CDH4: variants seen among roughly 807,000 people sequenced by gnomAD.
CDH4 encodes the protein cadherin-4.
In CDH4, 33 loss-of-function variants were observed where a neutral mutation model predicts 86.0. The ratio of observed to expected loss-of-function variants is 0.38; its 90% CI spans 0.29 to 0.51. The LOEUF is 0.51. Among genes scored for constraint, CDH4 ranks in the 20% least tolerant of loss-of-function variants. The pLI is 0.86. For missense variants in CDH4, 1,114 were observed against 1,307.4 expected (o/e 0.85, Z 2.28); for synonymous variants, 555 against 549.4 (o/e 1.01, Z -0.14).
At chr20:61,442,101 T>G (rs1340863924) in intron 2 of CDH4, among the ~76,000 whole-genome samples, 1 of 152,104 alleles carries the variant, frequency 6.6e-6, no homozygotes, top group Non-Finnish European at 1.5e-5. Context: ...CAGAGACAGT[T>G]ATTACTGTTT....
chr20:61,652,484 CTGAGT>C (rs941580699), intron 2 of CDH4, among the ~76,000 whole-genome samples: 3 of 152,278 alleles, frequency 2.0e-5, no homozygotes, highest in East Asian at 3.9e-4. Flanking sequence ...TGACGGTTGG[CTGAGT>C]TATCTCTAAT....
intron 2 of CDH4, among the ~76,000 whole-genome samples, chr20:61,603,952 C>A (rs940569479): frequency 6.6e-6 from 1 of 152,134 alleles, no homozygotes; most frequent in African/African-American, 2.4e-5. Flanking sequence ...CATAGGCACA[C>A]ACACATGTAC....
chr20:61,313,146 C>G (rs896989819), intron 2 of CDH4, among the ~76,000 whole-genome samples: 1 of 152,198 alleles, frequency 6.6e-6, no homozygotes, highest in Non-Finnish European at 1.5e-5. Context: ...TCATCGAGGC[C>G]TGGTCGTGTT....
intron 2 of CDH4, among the ~76,000 whole-genome samples, chr20:61,409,407 C>G (rs2085102793): frequency 6.6e-6 from 1 of 152,168 alleles, no homozygotes; most frequent in Non-Finnish European, 1.5e-5. Flanking sequence ...AAGAACAGAC[C>G]AACTCATCTG....
chr20:61,785,529 G>A (rs1026623346), intron 4 of CDH4, among the ~76,000 whole-genome samples: 2 of 152,186 alleles, frequency 1.3e-5, no homozygotes, highest in African/African-American at 2.4e-5. Context: ...GGTGGACACT[G>A]CACACCCCAC....
chr20:61,706,890 A>G (rs960443322), intron 2 of CDH4, among the ~76,000 whole-genome samples: 6 of 152,196 alleles, frequency 3.9e-5, no homozygotes, highest in African/African-American at 1.2e-4. Flanking sequence ...CTGAGATGCA[A>G]TCCCCGCAGA....
At chr20:61,925,840 G>T (rs2055039228) in intron 11 of CDH4, among the ~76,000 whole-genome samples, 1 of 152,174 alleles carries the variant, frequency 6.6e-6, no homozygotes, top group African/African-American at 2.4e-5. Flanking sequence ...CAAACAGAAG[G>T]CCTTGCAGGG....
chr20:61,933,969 G>A, intron 14 of CDH4, 87 bp from the exon 15 acceptor site: 5 of 1,478,456 alleles, frequency 3.4e-6, no homozygotes, highest in Non-Finnish European at 9.3e-7. Flanking sequence ...TGCATCTGTG[G>A]CCCAGGTGAC....
intron 2 of CDH4, among the ~76,000 whole-genome samples, chr20:61,374,402 C>T (rs1407783281): frequency 8.5e-5 from 13 of 152,112 alleles, no homozygotes; most frequent in Non-Finnish European, 1.6e-4. Flanking sequence ...CTGGGAGTTA[C>T]CTGGGAGTCC....
intron 2 of CDH4, among the ~76,000 whole-genome samples, chr20:61,586,240 G>A (rs1489489720): frequency 6.6e-6 from 1 of 152,056 alleles, no homozygotes; most frequent in Admixed American, 6.5e-5. Context: ...TCATGGTCAT[G>A]ATGATGGCAA....
At chr20:61,885,775 G>A (rs1294279262) in intron 7 of CDH4, among the ~76,000 whole-genome samples, 1 of 152,190 alleles carries the variant, frequency 6.6e-6, no homozygotes, top group Non-Finnish European at 1.5e-5. Context: ...ACATTCTCAG[G>A]CTCCGGACAG....
At chr20:61,619,913 G>A (rs1337370376) in intron 2 of CDH4, among the ~76,000 whole-genome samples, 1 of 152,194 alleles carries the variant, frequency 6.6e-6, no homozygotes, top group Non-Finnish European at 1.5e-5. Flanking sequence ...TCAGCGCCAG[G>A]CACATCCGAG....
intron 2 of CDH4, among the ~76,000 whole-genome samples, chr20:61,454,485 C>T (rs564631436): frequency 1.3e-5 from 2 of 151,994 alleles, no homozygotes; most frequent in African/African-American, 4.8e-5. Flanking sequence ...TCACTCTGTC[C>T]CCCAGGCTGG....
rs141193950 is a variant in CDH4 at position 61,567,536 on chromosome 20, C to A, written c.170-176027C>A. Reference sequence around the variant, plus strand: ...CCCTGGGCCCCTTCCAAAAGCCCCACCTCCTGACATCATCACCTTGGGGCT... The same window carrying A: ...CCCTGGGCCCCTTCCAAAAGCCCCAACTCCTGACATCATCACCTTGGGGCT... On this transcript the variant is annotated intron_variant, in intron 2 of 15. Transcript: ENST00000614565. 1.0e-3 allele frequency among the ~76,000 whole-genome samples: 158 copies of A among 152,338 alleles called. 2 individuals carry two copies. In the East Asian group the frequency reaches 0.028, roughly 27 times the overall value.
In CDH4 at chr20:61,910,479, A is replaced by T; in HGVS notation, c.1246A>T (p.Met416Leu). The T allele has an allele frequency of 6.2e-7, 1 of 1,613,974 alleles. No individual in the cohort carries two copies. Among genetic ancestry groups the T allele is most frequent in the East Asian group, 2.2e-5 (1 of 44,884 alleles). The change falls in exon 9 of 16, where the codon ATG becomes TTG. Residue 416 changes from methionine (M) to leucine (L), a missense_variant. Physicochemically the swap from Met to Leu is conservative, Grantham distance 15. Transcript: ENST00000614565. ...GACCGTGGTCGCAAACCTCACGGTG[A>T]TGGACCGAGATCAGCCCCACTCTCC... ...VETVVANLTV[M>L]DRDQPHSPNW... is the part of the protein sequence containing the mutation.
chr20:61,795,094 TAA>T (rs1979458258), intron 4 of CDH4, among the ~76,000 whole-genome samples: 1 of 114,336 alleles, frequency 8.7e-6, no homozygotes, highest in Admixed American at 9.4e-5. Flanking sequence ...ATGTTGATGG[TAA>T]TGATGGTGAT....
chr20:61,822,204 T>A (rs918072667), intron 4 of CDH4, among the ~76,000 whole-genome samples: 7 of 152,266 alleles, frequency 4.6e-5, no homozygotes, highest in Non-Finnish European at 1.0e-4. Context: ...ACGTGAGTCC[T>A]GCATAAAAAA....
chr20:61,594,380 G>A (rs1014161879), intron 2 of CDH4, among the ~76,000 whole-genome samples: 5 of 152,144 alleles, frequency 3.3e-5, no homozygotes, highest in Admixed American at 6.5e-5. Flanking sequence ...AGGGAGGACA[G>A]TGTGCCGCTC....
chr20:61,629,853 C>CT (rs898471130), intron 2 of CDH4, among the ~76,000 whole-genome samples: 6 of 152,200 alleles, frequency 3.9e-5, no homozygotes, highest in African/African-American at 1.4e-4. Flanking sequence ...CTTAGATGGT[C>CT]TTCAGGCCTC....
Sources: allele counts gnomAD v4.1 joint callset (sites outside exome capture counted in the v4.1 genomes callset), GRCh38; gene constraint gnomAD v4.1.1; transcripts MANE v1.5; gene names NCBI Gene and HGNC (gene_info 2026-07-23, HGNC 2026-07-21).